COL5A2: variants seen among roughly 807,000 people sequenced by gnomAD.
COL5A2 encodes the protein collagen type V alpha 2 chain.
A neutral mutation model predicts 208.2 loss-of-function variants in COL5A2; 23 were observed. That is an observed-to-expected ratio of 0.11 (90% CI 0.08 to 0.16). The LOEUF (loss-of-function observed/expected upper bound fraction) is 0.16, where lower values mean the gene tolerates loss of function less well. Among genes scored for constraint, COL5A2 ranks in the 10% least tolerant of loss-of-function variants. COL5A2 has a pLI of 1.00. For missense variants in COL5A2, 1,590 were observed against 1,956.4 expected (o/e 0.81, Z 3.53); for synonymous variants, 625 against 628.5 (o/e 0.99, Z 0.08).
intron 1 of COL5A2, among the ~76,000 whole-genome samples, chr2:189,172,727 C>G (rs570070379): frequency 3.3e-5 from 5 of 152,098 alleles, no homozygotes; most frequent in African/African-American, 9.6e-5. Flanking sequence ...AGTAGTGTTT[C>G]CACCAATAAT....
At chr2:189,106,889 C>T (rs1687161032) in intron 2 of COL5A2, among the ~76,000 whole-genome samples, 1 of 151,274 alleles carries the variant, frequency 6.6e-6, no homozygotes, top group South Asian at 2.1e-4. Flanking sequence ...TTATTAATAG[C>T]TTCCTTAATA....
chr2:189,307,987 T>C, the COL5A2 span, among the ~76,000 whole-genome samples: 1 of 152,140 alleles, frequency 6.6e-6, no homozygotes, highest in Non-Finnish European at 1.5e-5. Flanking sequence ...TTTACTTTCT[T>C]AATAAACTCG....
At chr2:189,413,163 C>A in the COL5A2 span, among the ~76,000 whole-genome samples, 1 of 152,106 alleles carries the variant, frequency 6.6e-6, no homozygotes, top group Non-Finnish European at 1.5e-5. Flanking sequence ...TTATGACAAG[C>A]CTTTATTGCC....
At chr2:189,240,956 A>T in the COL5A2 span, among the ~76,000 whole-genome samples, 1 of 152,194 alleles carries the variant, frequency 6.6e-6, no homozygotes, top group Non-Finnish European at 1.5e-5. Flanking sequence ...TTTGCTACTC[A>T]TTGGGATTTG....
the COL5A2 span, among the ~76,000 whole-genome samples, chr2:189,394,625 A>C: frequency 6.6e-6 from 1 of 152,182 alleles, no homozygotes; most frequent in African/African-American, 2.4e-5. Flanking sequence ...TTTCTTGTTT[A>C]GCTATCCAGT....
the COL5A2 span, among the ~76,000 whole-genome samples, chr2:189,366,758 G>A: frequency 6.6e-6 from 1 of 152,198 alleles, no homozygotes; most frequent in African/African-American, 2.4e-5. Context: ...TCCTTTTGCT[G>A]TTGCTGCTTA....
intron 6 of COL5A2, 95 bp from the exon 7 acceptor site, chr2:189,092,515 T>C (rs1686810385): frequency 1.3e-6 from 1 of 789,798 alleles, no homozygotes; most frequent in South Asian, 1.5e-5. Flanking sequence ...AGGGAGTGTT[T>C]ATTATTTTAA....
the COL5A2 span, among the ~76,000 whole-genome samples, chr2:189,292,496 T>G: frequency 6.6e-6 from 1 of 151,840 alleles, no homozygotes; most frequent in African/African-American, 2.4e-5. Context: ...AAAAAACACA[T>G]GAAAAAATGC....
the COL5A2 span, among the ~76,000 whole-genome samples, chr2:189,411,032 A>G: frequency 6.6e-6 from 1 of 152,122 alleles, no homozygotes; most frequent in Non-Finnish European, 1.5e-5. Flanking sequence ...ATGTGTCTCT[A>G]AGAAAACCGT....
rs533693932 is a variant in COL5A2, at chr2:189,213,895, C to T, written c.-42+11253G>A. On this transcript the variant is annotated intron_variant, in intron 1 of 10. Coordinates refer to the COL5A2 transcript ENST00000649966. ...AGGCTTCTGGGTAGCTGGATGTGTA[C>T]GTCTTGATCTGGGTATAGTGACAAG... is the stretch of plus-strand genomic sequence containing the variant. Among the ~76,000 whole-genome samples the T allele has an allele frequency of 2.6e-5, 4 of 152,218 alleles. No individual in the cohort carries two copies. In the South Asian group the frequency reaches 8.3e-4, roughly 32 times the overall value.
intron 1 of COL5A2, among the ~76,000 whole-genome samples, chr2:189,138,402 T>C (rs2105767028): frequency 6.6e-6 from 1 of 152,344 alleles, no homozygotes; most frequent in South Asian, 2.1e-4. Context: ...ATGCTCAGAT[T>C]TCTTCTCAGG....
chr2:189,273,461 T>C, the COL5A2 span, among the ~76,000 whole-genome samples: 5 of 152,106 alleles, frequency 3.3e-5, no homozygotes, highest in African/African-American at 9.6e-5. Context: ...AAATTAAAAA[T>C]AGAACTACCA....
intron 51 of COL5A2, among the ~76,000 whole-genome samples, chr2:189,037,460 G>T (rs1323526520): frequency 2.0e-5 from 3 of 152,158 alleles, no homozygotes; most frequent in African/African-American, 7.2e-5. Flanking sequence ...AAATGAAAGT[G>T]TCGGAATGTA....
At chr2:189,343,909 A>T in the COL5A2 span, among the ~76,000 whole-genome samples, 1 of 152,222 alleles carries the variant, frequency 6.6e-6, no homozygotes, top group Non-Finnish European at 1.5e-5. Context: ...GTAGACAAAA[A>T]TGTATGCTGA....
chr2:189,037,484 AT>A (rs1261454027), intron 51 of COL5A2, among the ~76,000 whole-genome samples: 2 of 152,182 alleles, frequency 1.3e-5, no homozygotes, highest in African/African-American at 4.8e-5. Flanking sequence ...TATAGAGTTA[AT>A]AAAATTGCCC....
chr2:189,107,621 A>G (rs925347351), intron 2 of COL5A2, among the ~76,000 whole-genome samples: 2 of 151,500 alleles, frequency 1.3e-5, no homozygotes, highest in African/African-American at 4.8e-5. Flanking sequence ...CTAAATGCAC[A>G]TACTTTTATT....
At chr2:189,239,879 G>A in the COL5A2 span, among the ~76,000 whole-genome samples, 1 of 152,162 alleles carries the variant, frequency 6.6e-6, no homozygotes, top group East Asian at 1.9e-4. Context: ...TTGTCCCCTA[G>A]CATCTCCAGA....
rs755687174 is a variant in COL5A2, at chr2:189,161,361, T to C, written c.97+18147A>G. On this transcript the variant is annotated intron_variant, in intron 1 of 53. Transcript: ENST00000374866. Reference sequence around the variant, plus strand: ...TGTATTCCTTAAATACAAGATAATATGTCAATCATCTTTGTGTCCCTATAC... The same window carrying C: ...TGTATTCCTTAAATACAAGATAATACGTCAATCATCTTTGTGTCCCTATAC... 2.0e-5 allele frequency among the ~76,000 whole-genome samples: 3 copies of C among 152,134 alleles called. No homozygotes were observed. The South Asian group carries it at 6.2e-4, about 31-fold the overall frequency.
At chr2:189,091,533 T>C in intron 7 of COL5A2, among the ~76,000 whole-genome samples, 1 of 152,186 alleles carries the variant, frequency 6.6e-6, no homozygotes, top group East Asian at 1.9e-4. Context: ...AAAGGTCAGA[T>C]GATTATTAGC....
Sources: allele counts gnomAD v4.1 joint callset (sites outside exome capture counted in the v4.1 genomes callset), GRCh38; gene constraint gnomAD v4.1.1; transcripts MANE v1.5; gene names NCBI Gene and HGNC (gene_info 2026-07-23, HGNC 2026-07-21).